The following CHRM2 variants were observed in gnomAD, a reference collection of about 807,000 sequenced individuals.
The protein encoded by CHRM2 is muscarinic acetylcholine receptor M2.
Under a neutral mutation model 25.0 loss-of-function variants are expected in CHRM2, and 8 were observed. That is an observed-to-expected ratio of 0.32 (90% CI 0.19 to 0.58). The LOEUF (loss-of-function observed/expected upper bound fraction) is 0.58, where lower values mean the gene tolerates loss of function less well. Among genes scored for constraint, CHRM2 ranks in the 20% least tolerant of loss-of-function variants. CHRM2 has a pLI of 0.88. For missense variants in CHRM2, 440 were observed against 567.1 expected, an observed-to-expected ratio of 0.78 and a Z score of 2.28; for synonymous variants, 202 against 205.7, an observed-to-expected ratio of 0.98 and a Z score of 0.15.
At chr7:136,951,042 C>T (rs1800384740) in intron 2 of CHRM2, 1 of 152,078 alleles carries the variant, frequency 6.6e-6, no homozygotes, top group African/African-American at 2.4e-5. Flanking sequence ...CTCAAGTGAT[C>T]CTCCTGCCTC....
intron 2 of CHRM2, among the ~76,000 whole-genome samples, chr7:136,970,352 A>G (rs775330308): frequency 5.3e-5 from 8 of 152,154 alleles, no homozygotes; most frequent in African/African-American, 9.7e-5. Context: ...TATTTATGAT[A>G]GTCTTTTTGC....
At chr7:136,993,929 G>A (rs1431324539) in intron 3 of CHRM2, among the ~76,000 whole-genome samples, 3 of 152,076 alleles carry the variant, frequency 2.0e-5, no homozygotes, top group Non-Finnish European at 4.4e-5. Context: ...CAATTGCCTC[G>A]TACATTCAAT....
At chr7:136,904,371 A>C (rs904026946) in intron 2 of CHRM2, among the ~76,000 whole-genome samples, 5 of 151,870 alleles carry the variant, frequency 3.3e-5, no homozygotes, top group African/African-American at 1.2e-4. Flanking sequence ...CTACTCATTA[A>C]TTTTGTTAAA....
At chr7:136,962,233 A>G (rs1321325785) in intron 2 of CHRM2, among the ~76,000 whole-genome samples, 2 of 150,304 alleles carry the variant, frequency 1.3e-5, no homozygotes, top group Non-Finnish European at 3.0e-5. Flanking sequence ...CTGAGGTTCA[A>G]GTGATTCTCA....
intron 2 of CHRM2, among the ~76,000 whole-genome samples, chr7:136,939,774 A>C (rs1226473651): frequency 6.6e-6 from 1 of 152,252 alleles, no homozygotes; most frequent in Non-Finnish European, 1.5e-5. Flanking sequence ...ATTTCAGTAC[A>C]TAAAAATGGA....
intron 2 of CHRM2, among the ~76,000 whole-genome samples, chr7:136,882,434 C>T (rs942710967): frequency 1.3e-5 from 2 of 151,100 alleles, no homozygotes; most frequent in Non-Finnish European, 3.0e-5. Flanking sequence ...CTTCCTTTCT[C>T]CTCCTCCTTC....
At chr7:136,983,167 TC>T (rs1454746751) in intron 2 of CHRM2, among the ~76,000 whole-genome samples, 8 of 152,192 alleles carry the variant, frequency 5.3e-5, no homozygotes, top group Non-Finnish European at 8.8e-5. Context: ...TCTAATCTTG[TC>T]TTCATGCTTT....
At chr7:136,996,255 C>A (rs1803595191) in intron 3 of CHRM2, among the ~76,000 whole-genome samples, 1 of 151,778 alleles carries the variant, frequency 6.6e-6, no homozygotes, top group African/African-American at 2.4e-5. Flanking sequence ...TGGAGAAAGT[C>A]TTTTTAAATG....
chr7:136,997,444 T>C (rs1803680519), intron 3 of CHRM2, among the ~76,000 whole-genome samples: 1 of 152,182 alleles, frequency 6.6e-6, no homozygotes, highest in Non-Finnish European at 1.5e-5. Context: ...TTTTCTTCGG[T>C]TTACTTCTCT....
chr7:137,011,429 T>C (rs1461741889), intron 3 of CHRM2, among the ~76,000 whole-genome samples: 1 of 151,174 alleles, frequency 6.6e-6, no homozygotes, highest in Non-Finnish European at 1.5e-5. Flanking sequence ...AGTCCTGGAG[T>C]TCAAAGCCCG....
At chr7:136,968,869 C>T (rs1801587732) in intron 2 of CHRM2, among the ~76,000 whole-genome samples, 1 of 151,776 alleles carries the variant, frequency 6.6e-6, no homozygotes, top group African/African-American at 2.4e-5. Flanking sequence ...AAACACTGCA[C>T]TATCTTGTCC....
chr7:136,946,027 G>A (rs2130835598), intron 2 of CHRM2, among the ~76,000 whole-genome samples: 1 of 152,184 alleles, frequency 6.6e-6, no homozygotes, highest in South Asian at 2.1e-4. Context: ...GGACTGCCAG[G>A]CAGAGATTCT....
intron 2 of CHRM2, among the ~76,000 whole-genome samples, chr7:136,958,267 A>G (rs1436620737): frequency 1.3e-5 from 2 of 152,236 alleles, no homozygotes; most frequent in Non-Finnish European, 2.9e-5. Flanking sequence ...GCTTAGACAC[A>G]ATGACTTCAT....
chr7:136,919,465 C>T (rs147969489), intron 2 of CHRM2, among the ~76,000 whole-genome samples: 35 of 152,084 alleles, frequency 2.3e-4, no homozygotes, highest in Admixed American at 1.4e-3. Context: ...TATAAGGAAG[C>T]GAATATGCTC....
At chr7:136,907,389 TG>T (rs1797613993) in intron 2 of CHRM2, among the ~76,000 whole-genome samples, 1 of 151,982 alleles carries the variant, frequency 6.6e-6, no homozygotes, top group Non-Finnish European at 1.5e-5. Context: ...TGAACTGGGA[TG>T]GTTCGTCTTG....
intron 2 of CHRM2, chr7:136,871,162 G>A (rs538533874): frequency 4.6e-4 from 71 of 153,526 alleles, no homozygotes; most frequent in African/African-American, 1.7e-3. Flanking sequence ...GGTGGAGAGG[G>A]GAAGTCAGCC....
intron 2 of CHRM2, among the ~76,000 whole-genome samples, chr7:136,905,774 T>C (rs905631708): frequency 4.6e-5 from 7 of 151,690 alleles, no homozygotes; most frequent in Middle Eastern, 3.6e-3. Flanking sequence ...TTATTTTTAC[T>C]TCCCTTATGT....
At chr7:136,931,171 C>T (rs1163094771) in intron 2 of CHRM2, among the ~76,000 whole-genome samples, 7 of 152,054 alleles carry the variant, frequency 4.6e-5, no homozygotes, top group Non-Finnish European at 7.4e-5. Context: ...CAGATAGAAA[C>T]ATGTTCAAAA....
At chr7:136,974,177 C>T (rs1238748276) in intron 2 of CHRM2, among the ~76,000 whole-genome samples, 1 of 152,122 alleles carries the variant, frequency 6.6e-6, no homozygotes, top group African/African-American at 2.4e-5. Context: ...TTCTACCAAG[C>T]ACTCATTACT....
Sources: gnomAD v4.1 joint callset for allele counts (sites outside exome capture counted in the v4.1 genomes callset) on GRCh38, gnomAD v4.1.1 for gene constraint, MANE v1.5 for transcripts, NCBI Gene and HGNC (gene_info 2026-07-23, HGNC 2026-07-21) for gene names.